SNED1: variants seen among roughly 807,000 people sequenced by gnomAD.
The protein encoded by SNED1 is sushi, nidogen and EGF like domains 1.
In SNED1, 81 loss-of-function variants were observed where a neutral mutation model predicts 166.7. The ratio of observed to expected loss-of-function variants is 0.49; its 90% confidence interval spans 0.41 to 0.58. The LOEUF is 0.58. Ranked by LOEUF, SNED1 falls within the 20% of genes least tolerant of loss-of-function variation. The pLI is 0.00. For missense variants in SNED1, 1,604 were observed against 2,000.2 expected (o/e 0.80, Z 3.78); for synonymous variants, 762 against 822.0 (o/e 0.93, Z 1.25).
intron 29 of SNED1, among the ~76,000 whole-genome samples, chr2:241,083,786 A>G (rs2063445380): frequency 6.6e-6 from 1 of 152,132 alleles, no homozygotes; most frequent in Admixed American, 6.5e-5. Context: ...AGTATTTAAC[A>G]TAGAGGTGGG....
At chr2:241,008,905 T>C (rs537112544) in intron 1 of SNED1, among the ~76,000 whole-genome samples, 3 of 152,330 alleles carry the variant, frequency 2.0e-5, no homozygotes, top group Admixed American at 2.0e-4. Context: ...CAGGAGCTTG[T>C]CAAGGGTCAG....
intron 3 of SNED1, among the ~76,000 whole-genome samples, chr2:241,034,288 G>A (rs2061277379): frequency 6.6e-6 from 1 of 152,206 alleles, no homozygotes; most frequent in African/African-American, 2.4e-5. Flanking sequence ...CCTTTGGGCT[G>A]TGCGCACCCC....
At chr2:241,083,010 C>G (rs367665866) in intron 29 of SNED1, among the ~76,000 whole-genome samples, 1 of 152,208 alleles carries the variant, frequency 6.6e-6, no homozygotes, top group East Asian at 1.9e-4. Context: ...CAGAACAGAG[C>G]AGACCAAAGC....
intron 1 of SNED1, among the ~76,000 whole-genome samples, chr2:241,027,161 A>G: frequency 6.6e-6 from 1 of 151,566 alleles, no homozygotes; most frequent in Non-Finnish European, 1.5e-5. Context: ...GCTCACTGCA[A>G]CCTCCACCTC....
rs62186648 is a variant in SNED1, at chr2:241,068,126, C to T, written c.3194+179C>T. Reference sequence around the variant, plus strand: ...CCTCAGACCCTGGAGGCTTCACTCCCGCCTCACCTCATCAGGGCTGCCAAG... The same window carrying T: ...CCTCAGACCCTGGAGGCTTCACTCCTGCCTCACCTCATCAGGGCTGCCAAG... On this transcript the variant is annotated intron_variant, in intron 22 of 31. Transcript: ENST00000310397. The surrounding 1 kb of genome is among the most constrained non-coding windows in gnomAD (Gnocchi z 5.3). Among the ~76,000 whole-genome samples the T allele has an allele frequency of 0.064, 9,735 of 152,188 alleles. 395 individuals are homozygous for T. Among genetic ancestry groups the T allele is most frequent in the East Asian group, 0.15 (759 of 5,164 alleles).
chr2:241,073,228 G>C lies in SNED1; in HGVS notation c.3818-38G>C. 2 of 1,481,950 alleles carry C rather than the reference G, an allele frequency of 1.3e-6. No individual in the cohort carries two copies. Among genetic ancestry groups the C allele is most frequent in the South Asian group, 2.4e-5 (2 of 82,720 alleles). The allele number at this position is 1,481,950 out of a possible 1,614,324, so 91.8% of individuals were successfully genotyped here. A position where few individuals can be genotyped will look rare whatever the true frequency, so the allele number is the denominator to read the frequency against. ...GCCCCAGGACCATCCCGGGTGCAAA[G>C]CAGCTGCGCCGTGTGGTCACCGCCT... On this transcript the variant is annotated intron_variant, in intron 26 of 31. Transcript: ENST00000310397. The surrounding 1 kb of genome is among the most constrained non-coding windows in gnomAD (Gnocchi z 6.6).
intron 29 of SNED1, 54 bp downstream of exon 29, chr2:241,082,418 C>A: frequency 7.2e-7 from 1 of 1,388,436 alleles, no homozygotes; most frequent in South Asian, 1.2e-5. Context: ...TTCTTGACTC[C>A]TCAAAGTGCT....
Position 241,030,587 on chromosome 2 carries a change from T to C in SNED1, c.501+16T>C, listed in dbSNP as rs771076537. The C allele has an allele frequency of 3.1e-5, 50 of 1,610,398 alleles. 2 individuals carry two copies. Among genetic ancestry groups the C allele is most frequent in the Admixed American group, 1.3e-4 (8 of 59,934 alleles). On this transcript the variant is annotated intron_variant, in intron 2 of 31. Coordinates refer to ENST00000310397, the MANE Select transcript of SNED1 (RefSeq NM_001080437.3). ...CTCATCCCCTGTGAGTCCAGGCACTTGTCCTGGGGAGGGTGGGTGTGTGGC... is the reference window on the plus strand; with the variant it reads ...CTCATCCCCTGTGAGTCCAGGCACTCGTCCTGGGGAGGGTGGGTGTGTGGC...
chr2:241,000,856 T>A (rs775718019), intron 1 of SNED1, among the ~76,000 whole-genome samples: 16 of 152,374 alleles, frequency 1.1e-4, no homozygotes, highest in South Asian at 4.1e-4. Context: ...CCTTTCTGTT[T>A]GCTCAGCAGG....
intron 29 of SNED1, among the ~76,000 whole-genome samples, chr2:241,085,966 CA>C (rs2063556381): frequency 6.9e-6 from 1 of 145,852 alleles, no homozygotes; most frequent in African/African-American, 2.6e-5. Context: ...CTCCTGGGTT[CA>C]AGCTATTCTC....
At chr2:241,016,531 A>C (rs1248270536) in intron 1 of SNED1, among the ~76,000 whole-genome samples, 1 of 152,100 alleles carries the variant, frequency 6.6e-6, no homozygotes, top group Non-Finnish European at 1.5e-5. Context: ...TATATTGCTG[A>C]ATCAGTTTGC....
intron 31 of SNED1, chr2:241,090,251 C>A (rs1415037097): frequency 4.6e-6 from 7 of 1,511,604 alleles, no homozygotes; most frequent in Non-Finnish European, 6.2e-6. Flanking sequence ...AACTAAGACA[C>A]AAACACACAC....
chr2:241,090,361 C>T (rs767678229), intron 31 of SNED1: 238 of 1,550,208 alleles, frequency 1.5e-4, no homozygotes, highest in Admixed American at 2.0e-4. Context: ...CCTCCTGTGA[C>T]AATGATGCCT....
intron 24 of SNED1, 26 bp from the exon 25 acceptor site, chr2:241,071,550 G>A (rs1297039580): frequency 1.3e-6 from 2 of 1,568,826 alleles, no homozygotes; most frequent in Admixed American, 1.8e-5. Flanking sequence ...CCCCAGACCA[G>A]CCCCTTCCTC....
chr2:241,053,268 C>A lies in SNED1; in HGVS notation c.2199C>A (p.Pro733=). Residue 733 remains proline (P), a synonymous_variant, in exon 16 of 32, where the codon CCC becomes CCA. Transcript: ENST00000310397. ...ACCGTGGCTACAGCCTGAGCGCCCC[C>A]AGCCGCATCCGGGTCTGCCAGCCAC... ...ACDRGYSLSA[P]SRIRVCQPHG... is the part of the protein sequence containing the mutation. The A allele has an allele frequency of 3.1e-6, 5 of 1,603,600 alleles. No individual in the cohort carries two copies. The highest frequency in any genetic ancestry group is 4.3e-6 in the Non-Finnish European group (5 of 1,174,970).
chr2:241,071,272 T>C, intron 24 of SNED1: 1 of 466,612 alleles, frequency 2.1e-6, no homozygotes, highest in Non-Finnish European at 3.9e-6. Context: ...GCCCAGCCCC[T>C]TGAGAACTTG....
intron 4 of SNED1, 103 bp from the exon 5 acceptor site, chr2:241,036,687 G>C: frequency 6.6e-7 from 1 of 1,508,506 alleles, no homozygotes; most frequent in Non-Finnish European, 9.0e-7. Context: ...CCCAGAGGCC[G>C]ACCTTTTGGG....
At chr2:241,016,608 G>C (rs1267480212) in intron 1 of SNED1, among the ~76,000 whole-genome samples, 1 of 152,122 alleles carries the variant, frequency 6.6e-6, no homozygotes, top group African/African-American at 2.4e-5. Context: ...TTCATGTACT[G>C]TCTTTGTTAA....
chr2:241,082,573 C>G (rs1341366918), intron 29 of SNED1, among the ~76,000 whole-genome samples: 1 of 152,222 alleles, frequency 6.6e-6, no homozygotes, highest in African/African-American at 2.4e-5. Context: ...CCATGCAGCT[C>G]AGGAGCAGGG....
Sources: allele counts gnomAD v4.1 joint callset (sites outside exome capture counted in the v4.1 genomes callset), GRCh38; gene constraint gnomAD v4.1.1; non-coding constraint Gnocchi (gnomAD v3.1); transcripts MANE v1.5; gene names NCBI Gene and HGNC (gene_info 2026-07-23, HGNC 2026-07-21).